Variants in ZC3H18 observed in about 807,000 individuals in gnomAD.
ZC3H18 encodes the protein zinc finger CCCH-type containing 18.
A neutral mutation model predicts 106.1 loss-of-function variants in ZC3H18; 8 were observed. That is an observed-to-expected ratio of 0.08 (90% CI 0.04 to 0.14). The LOEUF (loss-of-function observed/expected upper bound fraction) is 0.14. Ranked by LOEUF, ZC3H18 falls within the 10% of genes least tolerant of loss-of-function variation. ZC3H18 has a pLI of 1.00. For synonymous variants in ZC3H18, 635 were observed against 522.1 expected (o/e 1.22, Z -2.95); for missense variants, 1,318 against 1,278.4 (o/e 1.03, Z -0.47).
At chr16:88,621,043 TTTTTG>T (rs779249459) in intron 8 of ZC3H18, among the ~76,000 whole-genome samples, 37 of 151,612 alleles carry the variant, frequency 2.4e-4, no homozygotes, top group Middle Eastern at 3.4e-3. Flanking sequence ...ATTTTTTTGT[TTTTTG>T]TTTTGTTTTG....
intron 8 of ZC3H18, among the ~76,000 whole-genome samples, chr16:88,616,097 G>C (rs1376848570): frequency 2.0e-5 from 3 of 152,218 alleles, no homozygotes; most frequent in Non-Finnish European, 2.9e-5. Context: ...ATGGCCACCA[G>C]GCAGCAGGTT....
intron 6 of ZC3H18, among the ~76,000 whole-genome samples, chr16:88,607,535 C>A (rs967183000): frequency 8.6e-5 from 13 of 151,990 alleles, no homozygotes; most frequent in African/African-American, 2.9e-4. Flanking sequence ...TATTCATGCA[C>A]GCTTTGTGTC....
In ZC3H18 at chr16:88,631,307, C is replaced by T. The variant is rs1906678332; in HGVS notation, c.*8C>T. 2 of 1,566,698 alleles carry T rather than the reference C, an allele frequency of 1.3e-6. No individual in the cohort carries two copies. Among genetic ancestry groups the T allele is most frequent in the South Asian group, 2.3e-5 (2 of 86,658 alleles). On this transcript the variant is annotated 3_prime_UTR_variant, in exon 18 of 18. Coordinates refer to ENST00000301011, the MANE Select transcript of ZC3H18 (RefSeq NM_144604.4). ...ATCCCCGGGAAAGCATAGGCCGTGC[C>T]CCGACCGGACTGGACGCATTTTTAT...
At chr16:88,590,676 C>CA (rs1915698848) in intron 3 of ZC3H18, among the ~76,000 whole-genome samples, 1 of 144,966 alleles carries the variant, frequency 6.9e-6, no homozygotes, top group African/African-American at 2.6e-5. Context: ...TCTTCTGTCT[C>CA]AGACTCCCGA....
chr16:88,609,944 G>A (rs1038628776), intron 7 of ZC3H18, among the ~76,000 whole-genome samples: 1 of 152,126 alleles, frequency 6.6e-6, no homozygotes, highest in Non-Finnish European at 1.5e-5. Flanking sequence ...ACTTACTGAT[G>A]CCTGTGTCCA....
intron 17 of ZC3H18, among the ~76,000 whole-genome samples, chr16:88,630,880 C>T (rs754177312): frequency 3.9e-5 from 6 of 151,982 alleles, no homozygotes; most frequent in Non-Finnish European, 5.9e-5. Flanking sequence ...GGAGGTTGTG[C>T]GGGGCCAGCC....
In ZC3H18 at chr16:88,630,572, C is replaced by T. The variant is rs561177935; in HGVS notation, c.2654C>T (p.Pro885Leu). 1.7e-4 allele frequency: 266 copies of T among 1,605,226 alleles called. 1 individual carries two copies. In the South Asian group the frequency reaches 2.1e-3, roughly 13 times the overall value. ...RGQNSKAPAA[P>L]ADRKRQLSPQ... Reference sequence around the variant, plus strand: ...CAGAACTCCAAAGCCCCTGCAGCCCCGGCTGACAGGTGAGTCCCACCCAGC... The same window carrying T: ...CAGAACTCCAAAGCCCCTGCAGCCCTGGCTGACAGGTGAGTCCCACCCAGC... Residue 885 changes from proline (P) to leucine (L), a missense_variant, in exon 17 of 18, where the codon CCG becomes CTG. Pro to Leu is a moderately conservative substitution (Grantham distance 98, BLOSUM62 -3). Transcript: ENST00000301011.
At chr16:88,595,919 G>C (rs1234596284) in intron 3 of ZC3H18, among the ~76,000 whole-genome samples, 2 of 152,192 alleles carry the variant, frequency 1.3e-5, no homozygotes, top group African/African-American at 4.8e-5. Context: ...TTCCTACACA[G>C]ATAAAAGTTC....
intron 8 of ZC3H18, among the ~76,000 whole-genome samples, chr16:88,618,756 A>T (rs1368697279): frequency 2.6e-5 from 4 of 152,164 alleles, no homozygotes; most frequent in Non-Finnish European, 4.4e-5. Flanking sequence ...GGGAAAGGCT[A>T]CTTCCTCAGT....
rs1567592326 is a variant in ZC3H18, at chr16:88,611,375, G to A, written c.1314G>A (p.Arg438=). 9.6e-7 allele frequency: 1 copy of A among 1,042,098 alleles called. No homozygotes were observed. Among genetic ancestry groups the A allele is most frequent in the Non-Finnish European group, 1.5e-6 (1 of 681,866 alleles). 64.6% of individuals were successfully genotyped at this position (1,042,098 alleles called of 1,614,324 possible). The change falls in exon 8 of 18, where the codon CGG becomes CGA. Residue 438 remains arginine, a synonymous_variant. Coordinates refer to ENST00000301011, the MANE Select transcript of ZC3H18 (RefSeq NM_144604.4). ...ERRQRERERE[R]ERERDKERQR... ...GGCAGAGGGAGCGCGAGCGAGAGCG[G>A]GAGCGCGAGCGCGACAAGGAGCGGC...
intron 6 of ZC3H18, among the ~76,000 whole-genome samples, chr16:88,608,128 A>G (rs1905097359): frequency 6.6e-6 from 1 of 152,120 alleles, no homozygotes; most frequent in Non-Finnish European, 1.5e-5. Flanking sequence ...GTATAGTATC[A>G]TATCATTTTG....
At chr16:88,597,946 G>A (rs1362284225) in intron 3 of ZC3H18, among the ~76,000 whole-genome samples, 1 of 152,210 alleles carries the variant, frequency 6.6e-6, no homozygotes, top group Non-Finnish European at 1.5e-5. Flanking sequence ...CACTCTGACC[G>A]AGGTGCCTGG....
intron 12 of ZC3H18, 79 bp from the exon 13 acceptor site, chr16:88,625,123 G>T: frequency 6.6e-7 from 1 of 1,508,660 alleles, no homozygotes; most frequent in Non-Finnish European, 9.0e-7. Context: ...TCACCTCACA[G>T]GGCTGCTGGT....
At chr16:88,584,895 C>T (rs527571904) in intron 2 of ZC3H18, among the ~76,000 whole-genome samples, 2 of 152,256 alleles carry the variant, frequency 1.3e-5, no homozygotes, top group African/African-American at 4.8e-5. Context: ...ATCTCCTACA[C>T]GCTCACTTCC....
chr16:88,587,911 A>T (rs183396099), intron 3 of ZC3H18, among the ~76,000 whole-genome samples: 1 of 152,310 alleles, frequency 6.6e-6, no homozygotes, highest in African/African-American at 2.4e-5. Flanking sequence ...TGTGGGGCTC[A>T]TGGGAACCCC....
Position 88,618,257 on chromosome 16 carries a change from A to C in ZC3H18, c.1476-3940A>C, listed in dbSNP as rs113034199. Among the ~76,000 whole-genome samples, 427 of 150,526 alleles carry C rather than the reference A, an allele frequency of 2.8e-3. 1 individual carries two copies. The highest frequency in any genetic ancestry group is 9.2e-3 in the African/African-American group (376 of 40,862). On this transcript the variant is annotated intron_variant, in intron 8 of 17. Coordinates refer to ENST00000301011, the MANE Select transcript of ZC3H18 (RefSeq NM_144604.4). ...AGGTCTGCTTTGGGCTTTTTCTGTT[A>C]CGTTTTAAGGGAGGTGGGGAGAGCA...
chr16:88,628,338 T>A lies in ZC3H18; in HGVS notation c.2469+219T>A, dbSNP rs1463165119. The stretch of plus-strand genomic sequence containing the variant: ...GGTTTGGGTGCTGCTGGCCTCTCTC[T>A]GAACAGAGAGGGCGTTCTCTTCGTG... On this transcript the variant is annotated intron_variant, in intron 15 of 17. Coordinates refer to ENST00000301011, the MANE Select transcript of ZC3H18 (RefSeq NM_144604.4). Among the ~76,000 whole-genome samples the A allele has an allele frequency of 5.5e-4, 84 of 152,300 alleles. 1 individual carries two copies. The highest frequency in any genetic ancestry group is 3.4e-3 in the Middle Eastern group (1 of 294).
chr16:88,607,384 G>A (rs906888272), intron 6 of ZC3H18, among the ~76,000 whole-genome samples: 22 of 152,180 alleles, frequency 1.4e-4, no homozygotes, highest in African/African-American at 4.8e-4. Flanking sequence ...TGTGAACTTG[G>A]GTGTCAGCTT....
At chr16:88,587,052 C>A (rs1230125287) in intron 3 of ZC3H18, among the ~76,000 whole-genome samples, 1 of 152,208 alleles carries the variant, frequency 6.6e-6, no homozygotes, top group East Asian at 1.9e-4. Flanking sequence ...CCAGAATTAG[C>A]ATTTTCCCCA....
Sources: allele counts gnomAD v4.1 joint callset (sites outside exome capture counted in the v4.1 genomes callset), GRCh38; gene constraint gnomAD v4.1.1; transcripts MANE v1.5; gene names NCBI Gene and HGNC (gene_info 2026-07-23, HGNC 2026-07-21).